The following SLC41A2 variants were observed in gnomAD, a reference collection of about 807,000 sequenced individuals.
SLC41A2 encodes solute carrier family 41 member 2.
A neutral mutation model predicts 58.3 loss-of-function variants in SLC41A2; 32 were observed. The ratio of observed to expected loss-of-function variants is 0.55; its 90% CI spans 0.41 to 0.74. The LOEUF (loss-of-function observed/expected upper bound fraction) is 0.74. Among genes scored for constraint, SLC41A2 ranks in the 30% least tolerant of loss-of-function variants. The probability of loss-of-function intolerance (pLI) is 0.00; values close to 1 mark genes in which losing one functional copy is unlikely to be tolerated. For missense variants in SLC41A2, 514 were observed against 680.6 expected (o/e 0.76, Z 2.72); for synonymous variants, 190 against 235.0 (o/e 0.81, Z 1.75).
intron 3 of SLC41A2, among the ~76,000 whole-genome samples, chr12:104,897,944 T>C (rs1415039287): frequency 6.6e-6 from 1 of 152,130 alleles, no homozygotes; most frequent in Admixed American, 6.5e-5. Context: ...GAGGGAGAAG[T>C]ATGAGTGTTC....
chr12:104,871,885 A>G (rs2043797719), intron 6 of SLC41A2, among the ~76,000 whole-genome samples: 1 of 152,246 alleles, frequency 6.6e-6, no homozygotes, highest in Admixed American at 6.5e-5. Context: ...TATAACATTT[A>G]TAGAAAAAGC....
chr12:104,953,716 C>T (rs781256453), intron 1 of SLC41A2, among the ~76,000 whole-genome samples: 2 of 152,028 alleles, frequency 1.3e-5, no homozygotes, highest in Non-Finnish European at 2.9e-5. Context: ...CCAGCTTTAC[C>T]GGAAATGAAA....
At chr12:104,898,842 C>T (rs2045423070) in intron 3 of SLC41A2, among the ~76,000 whole-genome samples, 1 of 152,064 alleles carries the variant, frequency 6.6e-6, no homozygotes, top group Non-Finnish European at 1.5e-5. Context: ...GACACCTCAC[C>T]AAAGAAGACA....
At chr12:104,867,724 T>G (rs1745499937) in intron 6 of SLC41A2, among the ~76,000 whole-genome samples, 1 of 150,900 alleles carries the variant, frequency 6.6e-6, no homozygotes, top group African/African-American at 2.4e-5. Context: ...CCATCACATC[T>G]TCTCACAGTC....
intron 10 of SLC41A2, among the ~76,000 whole-genome samples, chr12:104,827,617 A>T (rs1367305450): frequency 6.6e-6 from 1 of 152,182 alleles, no homozygotes; most frequent in Non-Finnish European, 1.5e-5. Flanking sequence ...CGTATAACCC[A>T]TGTATACTTA....
Position 104,805,269 on chromosome 12 carries a change from A to G in SLC41A2, c.1605T>C (p.Asp535=). Residue 535 remains aspartate (D), a synonymous_variant, in exon 11 of 11, where the codon GAT becomes GAC. Transcript: ENST00000258538. ...CTGTTAGGTAGGGGATGGAGAAACT[A>G]TCCGGGTCCTTTCCTTTCCTCCAGA... ...HHFWRKGKDP[D]SFSIPYLTAL... The G allele has an allele frequency of 6.2e-7, 1 of 1,613,942 alleles. No individual in the cohort carries two copies. The highest frequency in any genetic ancestry group is 8.5e-7 in the Non-Finnish European group (1 of 1,179,846).
At chr12:104,866,606 A>G (rs1593028020) in intron 6 of SLC41A2, 27 bp from the exon 7 acceptor site, 1 of 1,473,368 alleles carries the variant, frequency 6.8e-7, no homozygotes, top group Non-Finnish European at 9.2e-7. Context: ...AAAAAAAAAG[A>G]GAGACAACAT....
At chr12:104,874,531 G>A (rs1283617211) in intron 6 of SLC41A2, among the ~76,000 whole-genome samples, 1 of 152,180 alleles carries the variant, frequency 6.6e-6, no homozygotes, top group Non-Finnish European at 1.5e-5. Flanking sequence ...AACTATCTTT[G>A]TGTATGTGTA....
Position 104,883,702 on chromosome 12 carries a change from C to A in SLC41A2, c.1027+2591G>T, listed in dbSNP as rs577168786. Among the ~76,000 whole-genome samples the A allele has an allele frequency of 8.5e-5, 13 of 152,312 alleles. No homozygotes were observed. The South Asian group carries it at 1.9e-3, about 22-fold the overall frequency. On this transcript the variant is annotated intron_variant, in intron 6 of 10. Transcript: ENST00000258538. ...AGCAAATGTTGCTGCCTGATCCTTC[C>A]TCTGGAAGTTTCATCTCAGAGGGAC... is the stretch of plus-strand genomic sequence containing the variant.
chr12:104,868,189 T>G (rs1230530737), intron 6 of SLC41A2, among the ~76,000 whole-genome samples: 1 of 152,160 alleles, frequency 6.6e-6, no homozygotes, highest in East Asian at 1.9e-4. Flanking sequence ...AGCCAACAGA[T>G]AAGGATAAAT....
At chr12:104,828,523 C>T (rs1050883518) in intron 10 of SLC41A2, among the ~76,000 whole-genome samples, 3 of 152,120 alleles carry the variant, frequency 2.0e-5, no homozygotes, top group African/African-American at 7.2e-5. Context: ...ACTGGTGCTT[C>T]AGCTGTAAAC....
At chr12:104,953,434 T>C (rs2048030688) in intron 1 of SLC41A2, among the ~76,000 whole-genome samples, 1 of 152,198 alleles carries the variant, frequency 6.6e-6, no homozygotes, top group Non-Finnish European at 1.5e-5. Context: ...TCCACCCCCA[T>C]CACTAATTCC....
chr12:104,808,537 TTG>T (rs2041027851), intron 10 of SLC41A2, among the ~76,000 whole-genome samples: 1 of 152,204 alleles, frequency 6.6e-6, no homozygotes, highest in Admixed American at 6.5e-5. Flanking sequence ...TCTTTTTTTG[TTG>T]TGTCTCTGCC....
At chr12:104,930,530 G>C (rs934822260) in intron 1 of SLC41A2, among the ~76,000 whole-genome samples, 1 of 152,124 alleles carries the variant, frequency 6.6e-6, no homozygotes, top group African/African-American at 2.4e-5. Flanking sequence ...CAAATAAAAT[G>C]CAAAACAAAC....
intron 2 of SLC41A2, among the ~76,000 whole-genome samples, chr12:104,925,386 A>G (rs2046791171): frequency 6.6e-6 from 1 of 151,708 alleles, no homozygotes; most frequent in Non-Finnish European, 1.5e-5. Context: ...GTGAAACCCC[A>G]TCTCTACTAA....
intron 3 of SLC41A2, among the ~76,000 whole-genome samples, chr12:104,902,282 A>T (rs1427515635): frequency 6.6e-6 from 1 of 152,222 alleles, no homozygotes; most frequent in East Asian, 1.9e-4. Context: ...AAATAAATCA[A>T]GGTGGTGACA....
intron 10 of SLC41A2, among the ~76,000 whole-genome samples, chr12:104,812,800 T>C (rs2041232138): frequency 6.6e-6 from 1 of 151,996 alleles, no homozygotes; most frequent in South Asian, 2.1e-4. Context: ...AATTATCTGA[T>C]ATAATAAACT....
chr12:104,880,977 T>C (rs1239653176), intron 6 of SLC41A2, among the ~76,000 whole-genome samples: 2 of 152,194 alleles, frequency 1.3e-5, no homozygotes, highest in Non-Finnish European at 2.9e-5. Context: ...CTACTAATTA[T>C]TCTCTCAATT....
chr12:104,857,937 G>A (rs1006852000), intron 8 of SLC41A2, among the ~76,000 whole-genome samples: 49 of 151,744 alleles, frequency 3.2e-4, no homozygotes, highest in African/African-American at 6.5e-4. Context: ...CCAATATGGC[G>A]CATGTATACA....
Sources: gnomAD v4.1 joint callset for allele counts (sites outside exome capture counted in the v4.1 genomes callset) on GRCh38, gnomAD v4.1.1 for gene constraint, MANE v1.5 for transcripts, NCBI Gene and HGNC (gene_info 2026-07-23, HGNC 2026-07-21) for gene names.